Variants in LIFR observed in about 807,000 individuals in gnomAD.
LIFR encodes LIF receptor subunit alpha.
LIFR carries 84 observed loss-of-function variants against 122.2 expected under a neutral mutation model. That is an observed-to-expected ratio of 0.69 (90% confidence interval 0.58 to 0.82). The LOEUF is 0.82. LIFR is among the 40% of genes least tolerant of loss of function. The pLI, the probability that LIFR is intolerant of heterozygous loss-of-function variation, is 0.00. For missense variants in LIFR, 1,294 were observed against 1,311.6 expected (o/e 0.99, Z 0.21); for synonymous variants, 422 against 434.7 (o/e 0.97, Z 0.36).
At position 38,506,006 on chromosome 5, in the gene LIFR, A is replaced by C. The variant is rs369830202; in HGVS notation, c.1190T>G (p.Phe397Cys). ...APTNESYQLL[F>C]QMLPNQEIYN... is the part of the protein sequence containing the mutation. The stretch of plus-strand genomic sequence containing the variant: ...TATTTCTTGATTTGGAAGCATTTGA[A>C]ATAATAATTGATAGCTTTCGTTTGT... The change falls in exon 9 of 20, where the codon TTT (phenylalanine) becomes TGT (cysteine). Residue 397 changes from phenylalanine to cysteine, a missense_variant. Phe to Cys is a radical substitution (Grantham distance 205). Transcript: ENST00000453190. The C allele has an allele frequency of 8.1e-5, 131 of 1,608,674 alleles. No individual in the cohort carries two copies. The South Asian group carries it at 1.4e-3, about 17-fold the overall frequency.
At chr5:38,547,696 T>C (rs1354006979) in intron 1 of LIFR, among the ~76,000 whole-genome samples, 2 of 152,210 alleles carry the variant, frequency 1.3e-5, no homozygotes, top group Admixed American at 6.5e-5. Flanking sequence ...TTTTTAAATA[T>C]AGTCACGTGT....
intron 1 of LIFR, among the ~76,000 whole-genome samples, chr5:38,606,898 T>C (rs914523610): frequency 3.3e-5 from 5 of 152,200 alleles, no homozygotes; most frequent in African/African-American, 7.2e-5. Flanking sequence ...ACACAATTCA[T>C]ATCATATCCA....
At chr5:38,509,446 C>T (rs1466152468) in intron 7 of LIFR, among the ~76,000 whole-genome samples, 2 of 152,056 alleles carry the variant, frequency 1.3e-5, no homozygotes, top group Admixed American at 6.6e-5. Flanking sequence ...CAAGCTGAGA[C>T]GAGCACCTAA....
chr5:38,547,055 C>T (rs573735132), intron 1 of LIFR, among the ~76,000 whole-genome samples: 29 of 152,132 alleles, frequency 1.9e-4, no homozygotes, highest in Non-Finnish European at 3.7e-4. Flanking sequence ...AAAAGTAAAT[C>T]CCCAACACCC....
chr5:38,573,984 A>T (rs1749299934), intron 1 of LIFR, among the ~76,000 whole-genome samples: 1 of 152,082 alleles, frequency 6.6e-6, no homozygotes, highest in African/African-American at 2.4e-5. Flanking sequence ...GCATGGTGGC[A>T]TATGCCTGTA....
intron 4 of LIFR, among the ~76,000 whole-genome samples, chr5:38,526,879 C>A (rs1206567872): frequency 6.6e-6 from 1 of 152,050 alleles, no homozygotes; most frequent in African/African-American, 2.4e-5. Flanking sequence ...GAGCAAGGGG[C>A]ATCTGAGAAA....
At chr5:38,506,327 T>C (rs1480612447) in intron 8 of LIFR, among the ~76,000 whole-genome samples, 176 bp downstream of exon 8, 1 of 152,194 alleles carries the variant, frequency 6.6e-6, no homozygotes, top group East Asian at 1.9e-4. Context: ...AGAGGAGACA[T>C]AAAATTGAGT....
Position 38,481,904 on chromosome 5 carries a change from A to G in LIFR, c.2985T>C (p.Pro995=), listed in dbSNP as rs1321438367. The change falls in exon 20 of 20, where the codon CCT becomes CCC. Residue 995 remains proline, a synonymous_variant. Transcript: ENST00000453190. ...GTGGCTTATAGCCTGCCCCTCCTAC[A>G]GGGTCATTTTCTTGTTCTTCTTCTG... ...AKPEEEQEND[P]VGGAGYKPQM... is the part of the protein sequence containing the mutation. 1.2e-5 allele frequency: 20 copies of G among 1,614,044 alleles called. No homozygotes were observed. Among genetic ancestry groups the G allele is most frequent in the Non-Finnish European group, 1.7e-5 (20 of 1,180,016 alleles).
Position 38,510,456 on chromosome 5 carries a change from A to T in LIFR, c.991+8T>A. ...ATAGGAATTCTCTCTTTAAAATCAT[A>T]TACTTACATCCAGCAAAAATAACGG... On this transcript the variant is annotated splice_region_variant and intron_variant, in intron 7 of 19. Transcript: ENST00000453190. 2 of 1,612,506 alleles carry T rather than the reference A, an allele frequency of 1.2e-6. No individual in the cohort carries two copies. Among genetic ancestry groups the T allele is most frequent in the Non-Finnish European group, 8.5e-7 (1 of 1,179,524 alleles).
intron 1 of LIFR, among the ~76,000 whole-genome samples, chr5:38,549,609 G>A (rs1186823687): frequency 3.9e-5 from 6 of 152,118 alleles, no homozygotes; most frequent in Admixed American, 2.0e-4. Flanking sequence ...TGGCTAACAC[G>A]GTGAAACGCA....
intron 1 of LIFR, chr5:38,530,869 G>C (rs1160650906): frequency 1.9e-6 from 1 of 521,914 alleles, no homozygotes; most frequent in Non-Finnish European, 3.4e-6. Context: ...TATCTACTAC[G>C]AGGCCAATTT....
chr5:38,512,898 T>C (rs115167277), intron 5 of LIFR, among the ~76,000 whole-genome samples: 1,825 of 152,224 alleles, frequency 0.012, 34 homozygotes, highest in African/African-American at 0.041. Flanking sequence ...TTCAATAAAA[T>C]AGTTTTAGAC....
intron 4 of LIFR, among the ~76,000 whole-genome samples, chr5:38,526,613 C>T (rs1746701225): frequency 6.6e-6 from 1 of 152,154 alleles, no homozygotes; most frequent in East Asian, 1.9e-4. Context: ...ACAGTAGGTG[C>T]TCAAAGATTT....
chr5:38,521,286 C>A (rs890301586), intron 5 of LIFR, among the ~76,000 whole-genome samples: 5 of 152,160 alleles, frequency 3.3e-5, no homozygotes, highest in Admixed American at 6.5e-5. Context: ...CCTCCTGCAA[C>A]TTTACTAACT....
chr5:38,604,632 C>T (rs530622367), intron 2 of LIFR, among the ~76,000 whole-genome samples: 7 of 151,650 alleles, frequency 4.6e-5, no homozygotes, highest in African/African-American at 1.7e-4. Flanking sequence ...ACCTGGGAGG[C>T]GGAGGTTGCA....
At chr5:38,503,467 C>A (rs1197525454) in intron 10 of LIFR, among the ~76,000 whole-genome samples, 1 of 152,126 alleles carries the variant, frequency 6.6e-6, no homozygotes, top group East Asian at 1.9e-4. Flanking sequence ...TTCTAGACAT[C>A]AGTAAATTTC....
chr5:38,508,466 C>T (rs1261010042), intron 7 of LIFR, among the ~76,000 whole-genome samples: 1 of 152,148 alleles, frequency 6.6e-6, no homozygotes, highest in Non-Finnish European at 1.5e-5. Context: ...CTAAATTGAT[C>T]CACGGATTTA....
intron 4 of LIFR, 58 bp from the exon 5 acceptor site, chr5:38,523,640 CTG>C (rs1746523696): frequency 1.5e-6 from 2 of 1,306,110 alleles, no homozygotes; most frequent in Non-Finnish European, 2.2e-6. Flanking sequence ...ATTTTTCATA[CTG>C]TAACTCCACT....
intron 11 of LIFR, 47 bp from the exon 12 acceptor site, chr5:38,499,630 G>A (rs187539164): frequency 8.5e-6 from 11 of 1,288,212 alleles, no homozygotes; most frequent in Middle Eastern, 2.0e-4. Context: ...CATACTATAT[G>A]TATATGGTGC....
Sources: allele counts gnomAD v4.1 joint callset (sites outside exome capture counted in the v4.1 genomes callset), GRCh38; gene constraint gnomAD v4.1.1; transcripts MANE v1.5; gene names NCBI Gene and HGNC (gene_info 2026-07-23, HGNC 2026-07-21).